AGBL1: variants seen among roughly 807,000 people sequenced by gnomAD.
The protein encoded by AGBL1 is cytosolic carboxypeptidase 4.
Under a neutral mutation model 118.9 loss-of-function variants are expected in AGBL1, and 130 were observed. The ratio of observed to expected loss-of-function variants is 1.09; its 90% CI spans 0.95 to 1.26. AGBL1 has a LOEUF of 1.26. AGBL1 is among the 50% of genes most tolerant of loss of function. AGBL1 has a pLI of 0.00. For synonymous variants in AGBL1, 555 were observed against 478.9 expected, an observed-to-expected ratio of 1.16 and a Z score of -2.08; for missense variants, 1,584 against 1,298.1, an observed-to-expected ratio of 1.22 and a Z score of -3.38.
At chr15:86,611,807 A>T (rs976630951) in intron 21 of AGBL1, among the ~76,000 whole-genome samples, 2 of 152,192 alleles carry the variant, frequency 1.3e-5, no homozygotes, top group Non-Finnish European at 2.9e-5. Context: ...CAGCAGCTAC[A>T]TGAAAAAACC....
chr15:86,875,902 T>G (rs560311940), intron 22 of AGBL1, among the ~76,000 whole-genome samples: 1 of 152,168 alleles, frequency 6.6e-6, no homozygotes, highest in Non-Finnish European at 1.5e-5. Flanking sequence ...TTCCTCTGCA[T>G]TGATCAATCC....
chr15:86,621,196 T>C (rs1215884085), intron 21 of AGBL1, among the ~76,000 whole-genome samples: 4 of 152,200 alleles, frequency 2.6e-5, no homozygotes, highest in Non-Finnish European at 5.9e-5. Context: ...TTAATTGTTA[T>C]AATATGTTGA....
intron 6 of AGBL1, among the ~76,000 whole-genome samples, chr15:86,240,204 A>G (rs570183686): frequency 1.3e-5 from 2 of 152,360 alleles, no homozygotes; most frequent in South Asian, 4.1e-4. Flanking sequence ...GACAAATGAG[A>G]TGATCCATAT....
chr15:86,413,495 T>G (rs1277005511), intron 18 of AGBL1, among the ~76,000 whole-genome samples: 2 of 152,198 alleles, frequency 1.3e-5, no homozygotes, highest in Non-Finnish European at 2.9e-5. Context: ...ATCAACAGTC[T>G]ATAAGTGGTC....
intron 22 of AGBL1, among the ~76,000 whole-genome samples, chr15:86,714,617 A>G (rs1466083168): frequency 1.3e-5 from 2 of 152,228 alleles, no homozygotes; most frequent in African/African-American, 4.8e-5. Flanking sequence ...GAATGCCAGC[A>G]TAACCTTTCA....
At chr15:86,472,127 G>A (rs1049783642) in intron 18 of AGBL1, among the ~76,000 whole-genome samples, 1 of 152,162 alleles carries the variant, frequency 6.6e-6, no homozygotes, top group Non-Finnish European at 1.5e-5. Flanking sequence ...AAGGAGGCTG[G>A]TATTGCTGAC....
chr15:86,695,929 C>T (rs996806431), intron 22 of AGBL1, among the ~76,000 whole-genome samples: 1 of 150,138 alleles, frequency 6.7e-6, no homozygotes, highest in African/African-American at 2.5e-5. Context: ...GAGTTGATTT[C>T]CAATTTGATT....
intron 18 of AGBL1, among the ~76,000 whole-genome samples, chr15:86,405,040 G>GGCCT (rs776087036): frequency 1.3e-5 from 2 of 152,160 alleles, no homozygotes; most frequent in South Asian, 4.1e-4. Context: ...GAGGAATGAT[G>GGCCT]GCCTCTGCCA....
intron 23 of AGBL1, among the ~76,000 whole-genome samples, chr15:86,967,601 C>G (rs185389384): frequency 1.1e-3 from 174 of 151,994 alleles, no homozygotes; most frequent in African/African-American, 3.6e-3. Context: ...CCCATTTCTT[C>G]TTTTTGTCAG....
chr15:86,320,421 G>A (rs2080087062), intron 17 of AGBL1, among the ~76,000 whole-genome samples: 1 of 151,120 alleles, frequency 6.6e-6, no homozygotes. Context: ...GATTCCTACT[G>A]GTATAGAAAA....
intron 18 of AGBL1, among the ~76,000 whole-genome samples, chr15:86,426,912 C>T (rs1304094484): frequency 1.3e-5 from 2 of 152,262 alleles, no homozygotes; most frequent in East Asian, 3.9e-4. Flanking sequence ...ATTATGAGTG[C>T]ACACCACCAC....
At chr15:86,187,435 G>A (rs1007019007) in intron 5 of AGBL1, among the ~76,000 whole-genome samples, 1 of 152,134 alleles carries the variant, frequency 6.6e-6, no homozygotes, top group Non-Finnish European at 1.5e-5. Flanking sequence ...TGTATTGAAA[G>A]CCCCTCAAAC....
chr15:87,013,026 A>G (rs561659166), intron 24 of AGBL1, among the ~76,000 whole-genome samples: 1 of 152,314 alleles, frequency 6.6e-6, no homozygotes, highest in South Asian at 2.1e-4. Flanking sequence ...GGCTACTGAT[A>G]TCTACACTTC....
intron 22 of AGBL1, among the ~76,000 whole-genome samples, chr15:86,776,231 AC>A (rs1323802606): frequency 6.6e-6 from 1 of 152,162 alleles, no homozygotes; most frequent in African/African-American, 2.4e-5. Flanking sequence ...TTACTGAGAG[AC>A]AGTACCTTTC....
intron 18 of AGBL1, among the ~76,000 whole-genome samples, chr15:86,446,310 G>C (rs934212584): frequency 6.6e-6 from 1 of 151,230 alleles, no homozygotes; most frequent in African/African-American, 2.4e-5. Flanking sequence ...CTGCACAGTT[G>C]TTCTGTTCTT....
intron 22 of AGBL1, among the ~76,000 whole-genome samples, chr15:86,680,700 G>A (rs2085938903): frequency 6.7e-6 from 1 of 150,258 alleles, no homozygotes; most frequent in Non-Finnish European, 1.5e-5. Flanking sequence ...TTGAGTAGCT[G>A]GGATTACAGG....
At chr15:86,882,992 G>A (rs1157612148) in intron 22 of AGBL1, among the ~76,000 whole-genome samples, 1 of 152,186 alleles carries the variant, frequency 6.6e-6, no homozygotes, top group East Asian at 1.9e-4. Context: ...ATTGTGAAAT[G>A]AATTTAGAGG....
At chr15:86,255,328 C>A (rs1185184933) in intron 7 of AGBL1, among the ~76,000 whole-genome samples, 1 of 152,148 alleles carries the variant, frequency 6.6e-6, no homozygotes, top group Non-Finnish European at 1.5e-5. Flanking sequence ...GTTCATTAGC[C>A]TCCATAATGA....
At chr15:86,737,574 A>T (rs1412625345) in intron 22 of AGBL1, among the ~76,000 whole-genome samples, 1 of 152,072 alleles carries the variant, frequency 6.6e-6, no homozygotes, top group East Asian at 1.9e-4. Flanking sequence ...CTATAACCAC[A>T]TTGTGTAGTA....
Sources: allele counts gnomAD v4.1 joint callset (sites outside exome capture counted in the v4.1 genomes callset), GRCh38; gene constraint gnomAD v4.1.1; transcripts MANE v1.5; gene names NCBI Gene and HGNC (gene_info 2026-07-23, HGNC 2026-07-21).